Variants in SLC45A2 observed in about 807,000 individuals in gnomAD.
SLC45A2 encodes the protein membrane-associated transporter protein.
SLC45A2 carries 36 observed loss-of-function variants against 45.5 expected under a neutral mutation model. That is an observed-to-expected ratio of 0.79 (90% CI 0.61 to 1.04). The LOEUF is 1.04. Ranked by LOEUF, SLC45A2 falls within the 50% of genes least tolerant of loss-of-function variation. The probability of loss-of-function intolerance (pLI) is 0.00; values close to 1 mark genes in which losing one functional copy is unlikely to be tolerated. For missense variants in SLC45A2, 719 were observed against 671.0 expected, an observed-to-expected ratio of 1.07 and a Z score of -0.79; for synonymous variants, 306 against 269.3, an observed-to-expected ratio of 1.14 and a Z score of -1.33.
intron 4 of SLC45A2, among the ~76,000 whole-genome samples, chr5:33,952,522 A>G (rs931865147): frequency 1.3e-5 from 2 of 151,788 alleles, no homozygotes; most frequent in Non-Finnish European, 2.9e-5. Context: ...TCTGTAGTAA[A>G]TCCAAGTCAC....
intron 2 of SLC45A2, among the ~76,000 whole-genome samples, chr5:33,969,984 A>G (rs1752732510): frequency 6.6e-6 from 1 of 152,168 alleles, no homozygotes; most frequent in African/African-American, 2.4e-5. Flanking sequence ...TCTAAGTTGT[A>G]ATGGCTCAGC....
At chr5:33,950,531 G>C (rs1011816836) in intron 5 of SLC45A2, among the ~76,000 whole-genome samples, 1 of 152,158 alleles carries the variant, frequency 6.6e-6, no homozygotes, top group Non-Finnish European at 1.5e-5. Flanking sequence ...AAATTTTTAA[G>C]AGGTCTTGAG....
At chr5:33,954,221 C>T in intron 4 of SLC45A2, 140 bp downstream of exon 4, 1 of 1,206,168 alleles carries the variant, frequency 8.3e-7, no homozygotes, top group African/African-American at 1.5e-5. Context: ...CTACACCTGT[C>T]TGTAAGTCAG....
At chr5:33,965,946 T>G (rs1752590528) in intron 2 of SLC45A2, among the ~76,000 whole-genome samples, 1 of 152,218 alleles carries the variant, frequency 6.6e-6, no homozygotes, top group South Asian at 2.1e-4. Context: ...ACACATTCCT[T>G]TTTCGAAACT....
chr5:33,979,446 A>G (rs1418682268), intron 2 of SLC45A2, among the ~76,000 whole-genome samples: 1 of 152,174 alleles, frequency 6.6e-6, no homozygotes, highest in African/African-American at 2.4e-5. Flanking sequence ...AACGTTTCCT[A>G]TCAGACTTAA....
At chr5:33,980,390 A>G (rs993726949) in intron 2 of SLC45A2, among the ~76,000 whole-genome samples, 5 of 152,226 alleles carry the variant, frequency 3.3e-5, no homozygotes, top group African/African-American at 1.2e-4. Context: ...AAATTTGACA[A>G]TTGATTCTCA....
At chr5:33,956,859 TACAAAA>T (rs1752291844) in intron 3 of SLC45A2, among the ~76,000 whole-genome samples, 1 of 152,208 alleles carries the variant, frequency 6.6e-6, no homozygotes, top group South Asian at 2.1e-4. Flanking sequence ...TATCATTGCT[TACAAAA>T]GTAAGCAATG....
At chr5:33,969,348 C>T (rs562879233) in intron 2 of SLC45A2, among the ~76,000 whole-genome samples, 1 of 151,540 alleles carries the variant, frequency 6.6e-6, no homozygotes, top group Non-Finnish European at 1.5e-5. Context: ...CTTGACCAGA[C>T]AAGCTGATCT....
intron 2 of SLC45A2, chr5:33,971,934 T>G: frequency 2.6e-6 from 1 of 388,668 alleles, no homozygotes; most frequent in Non-Finnish European, 5.2e-6. Flanking sequence ...GTTACCCAGC[T>G]AATTTTTGTA....
At chr5:33,965,772 T>C (rs1752586605) in intron 2 of SLC45A2, among the ~76,000 whole-genome samples, 1 of 152,200 alleles carries the variant, frequency 6.6e-6, no homozygotes, top group Non-Finnish European at 1.5e-5. Flanking sequence ...TCAGAAGTCA[T>C]GCGTCAAGCC....
At chr5:33,980,139 A>C (rs1176550995) in intron 2 of SLC45A2, among the ~76,000 whole-genome samples, 1 of 143,110 alleles carries the variant, frequency 7.0e-6, no homozygotes. Flanking sequence ...CAAGTTAGGA[A>C]AATGAAGTTG....
At chr5:33,950,223 G>C (rs1480838463) in intron 5 of SLC45A2, among the ~76,000 whole-genome samples, 3 of 151,786 alleles carry the variant, frequency 2.0e-5, no homozygotes, top group Non-Finnish European at 4.4e-5. Context: ...AAGCATGAGG[G>C]TAGTGGTAAA....
chr5:33,971,445 T>A (rs186367851), intron 2 of SLC45A2: 1 of 425,944 alleles, frequency 2.3e-6, no homozygotes, highest in Non-Finnish European at 4.5e-6. Context: ...TTTCCTTTTT[T>A]TTTGTTTTTT....
At chr5:33,961,943 A>G (rs1010196957) in intron 3 of SLC45A2, among the ~76,000 whole-genome samples, 1 of 152,072 alleles carries the variant, frequency 6.6e-6, no homozygotes, top group Admixed American at 6.5e-5. Flanking sequence ...CTTTCTTGAA[A>G]CTTCACTGCA....
At chr5:33,954,229 C>T (rs2111926278) in intron 4 of SLC45A2, 132 bp downstream of exon 4, 1 of 1,297,432 alleles carries the variant, frequency 7.7e-7, no homozygotes, top group Middle Eastern at 1.8e-4. Flanking sequence ...GTCTGTAAGT[C>T]AGCTTCTTGA....
At chr5:33,946,923 CT>C (rs1219066446) in intron 6 of SLC45A2, 15 of 1,431,688 alleles carry the variant, frequency 1.0e-5, no homozygotes, top group African/African-American at 1.4e-5. Context: ...AGTAACACTT[CT>C]TGCCCTACAG....
chr5:33,980,072 C>T (rs2112008999), intron 2 of SLC45A2, among the ~76,000 whole-genome samples: 1 of 152,278 alleles, frequency 6.6e-6, no homozygotes, highest in Middle Eastern at 3.4e-3. Flanking sequence ...GAAAGTCTCC[C>T]ATGACCTTGT....
At chr5:33,977,687 G>T (rs1452375576) in intron 2 of SLC45A2, among the ~76,000 whole-genome samples, 3 of 152,214 alleles carry the variant, frequency 2.0e-5, no homozygotes, top group Admixed American at 1.3e-4. Flanking sequence ...ATGCAAGGCA[G>T]TGGTAGAGGA....
intron 3 of SLC45A2, among the ~76,000 whole-genome samples, chr5:33,960,239 C>G (rs189002334): frequency 1.2e-3 from 189 of 151,266 alleles, no homozygotes; most frequent in African/African-American, 4.4e-3. Flanking sequence ...ACTGCATCCA[C>G]GTCAACATCT....
Sources: allele counts gnomAD v4.1 joint callset (sites outside exome capture counted in the v4.1 genomes callset), GRCh38; gene constraint gnomAD v4.1.1; transcripts MANE v1.5; gene names NCBI Gene and HGNC (gene_info 2026-07-23, HGNC 2026-07-21).